The following PHACTR1 variants were observed in gnomAD, a reference collection of about 807,000 sequenced individuals.
PHACTR1 encodes RPEL repeat containing 1.
PHACTR1 carries 16 observed loss-of-function variants against 69.2 expected under a neutral mutation model. The observed-to-expected ratio is 0.23, with a 90% CI of 0.16 to 0.35. The LOEUF (loss-of-function observed/expected upper bound fraction) is 0.35, where lower values mean the gene tolerates loss of function less well. PHACTR1 is among the 10% of genes least tolerant of loss of function. The pLI, the probability that PHACTR1 is intolerant of heterozygous loss-of-function variation, is 1.00. For synonymous variants in PHACTR1, 312 were observed against 284.5 expected (o/e 1.10, Z -0.97); for missense variants, 510 against 734.7 (o/e 0.69, Z 3.54).
intron 4 of PHACTR1, among the ~76,000 whole-genome samples, chr6:12,840,028 G>A (rs1011290008): frequency 8.5e-5 from 13 of 152,192 alleles, no homozygotes; most frequent in Admixed American, 7.2e-4. Flanking sequence ...ATGTAGGAAT[G>A]GTGTCAGCCC....
At chr6:13,017,694 G>C (rs998765241) in intron 4 of PHACTR1, among the ~76,000 whole-genome samples, 4 of 152,002 alleles carry the variant, frequency 2.6e-5, no homozygotes, top group African/African-American at 9.7e-5. Context: ...GTGTGCATTT[G>C]AACTCCTTTT....
chr6:13,059,983 T>C (rs553192063), intron 5 of PHACTR1, among the ~76,000 whole-genome samples: 6 of 152,230 alleles, frequency 3.9e-5, no homozygotes, highest in African/African-American at 1.4e-4. Flanking sequence ...GACAGTCTTC[T>C]AGATGAGGGA....
intron 5 of PHACTR1, among the ~76,000 whole-genome samples, chr6:13,142,023 G>A (rs1360529738): frequency 6.6e-6 from 1 of 152,028 alleles, no homozygotes; most frequent in East Asian, 1.9e-4. Context: ...AAGGGGAGAG[G>A]GCTGAGGCTG....
chr6:13,057,970 A>G (rs1807061271), intron 5 of PHACTR1, among the ~76,000 whole-genome samples: 1 of 152,178 alleles, frequency 6.6e-6, no homozygotes, highest in Admixed American at 6.5e-5. Context: ...GGCAGGAGGA[A>G]AACAGGAATG....
At chr6:13,036,908 C>T (rs1333464017) in intron 4 of PHACTR1, among the ~76,000 whole-genome samples, 1 of 152,112 alleles carries the variant, frequency 6.6e-6, no homozygotes, top group Non-Finnish European at 1.5e-5. Context: ...TTCATTTATC[C>T]ATTCAAAAAA....
At chr6:13,024,965 T>C (rs1801479822) in intron 4 of PHACTR1, among the ~76,000 whole-genome samples, 1 of 152,084 alleles carries the variant, frequency 6.6e-6, no homozygotes, top group African/African-American at 2.4e-5. Context: ...ATTTTTTTAG[T>C]TTTTCTAGAG....
chr6:12,994,329 C>A (rs1797168697), intron 4 of PHACTR1, among the ~76,000 whole-genome samples: 1 of 152,076 alleles, frequency 6.6e-6, no homozygotes, highest in Non-Finnish European at 1.5e-5. Context: ...ATTTTTCCCC[C>A]CCTTGGAGAA....
intron 4 of PHACTR1, among the ~76,000 whole-genome samples, chr6:12,891,418 T>G (rs1784161292): frequency 6.6e-6 from 1 of 152,240 alleles, no homozygotes; most frequent in Non-Finnish European, 1.5e-5. Context: ...TCTGACTTTC[T>G]TATAAATATG....
intron 10 of PHACTR1, among the ~76,000 whole-genome samples, chr6:13,263,710 A>T (rs1776236590): frequency 1.3e-5 from 2 of 152,322 alleles, no homozygotes; most frequent in South Asian, 4.1e-4. Flanking sequence ...ATTTTGTTTA[A>T]TTTAATGTTA....
chr6:13,193,357 G>GTATATATATATATA (rs56305254), intron 7 of PHACTR1, among the ~76,000 whole-genome samples: 3,479 of 67,818 alleles, frequency 0.051, 416 homozygotes, highest in Non-Finnish European at 0.064. Flanking sequence ...AGCTCTCTGT[G>GTATATATATATATA]TATATATATA....
intron 4 of PHACTR1, among the ~76,000 whole-genome samples, chr6:12,960,022 A>G (rs538865239): frequency 9.8e-5 from 15 of 152,292 alleles, no homozygotes; most frequent in African/African-American, 3.6e-4. Flanking sequence ...TTCAGTCTTT[A>G]TGGAAATCAA....
At chr6:13,182,796 G>A (rs186807399) in intron 7 of PHACTR1, 110 bp downstream of exon 7, 83 of 1,078,620 alleles carry the variant, frequency 7.7e-5, no homozygotes, top group South Asian at 1.5e-4. Flanking sequence ...TATCCTGAGC[G>A]TAAGGATCTG....
intron 3 of PHACTR1, among the ~76,000 whole-genome samples, chr6:12,724,560 C>T: frequency 6.6e-6 from 1 of 152,254 alleles, no homozygotes; most frequent in Non-Finnish European, 1.5e-5. Context: ...ATCTCCAAAG[C>T]CCAAGCTATT....
At chr6:13,086,224 A>G (rs1020911373) in intron 5 of PHACTR1, among the ~76,000 whole-genome samples, 6 of 152,064 alleles carry the variant, frequency 3.9e-5, no homozygotes, top group East Asian at 1.9e-4. Flanking sequence ...TTTCTATAAC[A>G]TAATATAAAT....
chr6:12,849,834 A>G (rs963928691), intron 4 of PHACTR1, among the ~76,000 whole-genome samples: 3 of 152,188 alleles, frequency 2.0e-5, no homozygotes, highest in Non-Finnish European at 2.9e-5. Context: ...CATACCCCCA[A>G]TAATTATATT....
At chr6:12,933,584 T>C in intron 4 of PHACTR1, 1 of 1,599,846 alleles carries the variant, frequency 6.3e-7, no homozygotes, top group Non-Finnish European at 8.5e-7. Flanking sequence ...CTCTTTGTTA[T>C]CTGACCTGGG....
chr6:13,017,185 C>CAAAAA (rs5874397), intron 4 of PHACTR1, among the ~76,000 whole-genome samples: 4 of 77,220 alleles, frequency 5.2e-5, no homozygotes, highest in African/African-American at 1.9e-4. Flanking sequence ...GACTCTGTCT[C>CAAAAA]AAAAAAAAAA....
chr6:13,280,917 A>G (rs1780024642), intron 12 of PHACTR1: 2 of 1,276,474 alleles, frequency 1.6e-6, no homozygotes, highest in African/African-American at 1.5e-5. Context: ...GTGGTCAGGG[A>G]CATGAGCCCA....
At chr6:13,215,753 T>A (rs777747321) in intron 8 of PHACTR1, among the ~76,000 whole-genome samples, 1 of 152,218 alleles carries the variant, frequency 6.6e-6, no homozygotes, top group Non-Finnish European at 1.5e-5. Flanking sequence ...GCAGATTAGA[T>A]ATATTGAAGT....
Sources: allele counts gnomAD v4.1 joint callset (sites outside exome capture counted in the v4.1 genomes callset), GRCh38; gene constraint gnomAD v4.1.1; transcripts MANE v1.5; gene names NCBI Gene and HGNC (gene_info 2026-07-23, HGNC 2026-07-21).